Variants in PCDH15 observed in about 807,000 individuals in gnomAD.
PCDH15 encodes the protein protocadherin-15.
Under a neutral mutation model 178.5 loss-of-function variants are expected in PCDH15, and 129 were observed. The observed-to-expected ratio is 0.72, with a 90% CI of 0.63 to 0.84. PCDH15 has a LOEUF of 0.84. Among genes scored for constraint, PCDH15 ranks in the 40% least tolerant of loss-of-function variants. The probability of loss-of-function intolerance (pLI) is 0.00; values close to 1 mark genes in which losing one functional copy is unlikely to be tolerated. For missense variants in PCDH15, 2,230 were observed against 2,099.9 expected (o/e 1.06, Z -1.21); for synonymous variants, 800 against 732.0 (o/e 1.09, Z -1.50).
chr10:55,114,061 G>C (rs373462216), intron 2 of PCDH15, among the ~76,000 whole-genome samples: 43 of 152,164 alleles, frequency 2.8e-4, no homozygotes, highest in African/African-American at 1.0e-3. Flanking sequence ...CCATTCTCCT[G>C]CCTCAGCCTC....
At chr10:54,352,487 C>T (rs1349221983) in intron 5 of PCDH15, among the ~76,000 whole-genome samples, 1 of 151,894 alleles carries the variant, frequency 6.6e-6, no homozygotes, top group East Asian at 1.9e-4. Flanking sequence ...TTTCTCCTAC[C>T]CAGGAAAAAT....
At chr10:54,962,602 G>A (rs1477786202) in intron 2 of PCDH15, among the ~76,000 whole-genome samples, 4 of 152,166 alleles carry the variant, frequency 2.6e-5, no homozygotes, top group Admixed American at 2.6e-4. Context: ...GACAACAGTG[G>A]GAGCTACTTG....
intron 21 of PCDH15, among the ~76,000 whole-genome samples, chr10:53,993,720 G>T (rs903381170): frequency 5.3e-5 from 8 of 152,104 alleles, no homozygotes; most frequent in African/African-American, 1.4e-4. Context: ...CTTTTACTTA[G>T]GATTCGTGTA....
chr10:55,423,783 A>C (rs559607708), intron 2 of PCDH15, among the ~76,000 whole-genome samples: 35 of 152,132 alleles, frequency 2.3e-4, no homozygotes, highest in Non-Finnish European at 4.6e-4. Flanking sequence ...TAATTAAGCA[A>C]GATACTTATC....
chr10:54,634,706 G>C (rs996204836), intron 2 of PCDH15, among the ~76,000 whole-genome samples: 2 of 151,946 alleles, frequency 1.3e-5, no homozygotes, highest in African/African-American at 4.8e-5. Context: ...AAAGATGCTT[G>C]CGCGTATACA....
chr10:53,959,987 G>A (rs1213414029), intron 22 of PCDH15, 143 bp from the exon 23 acceptor site: 11 of 698,412 alleles, frequency 1.6e-5, no homozygotes, highest in Admixed American at 6.3e-5. Context: ...CCTACCAGGT[G>A]GCAGACACTA....
At chr10:54,465,329 C>T (rs1464454784) in intron 3 of PCDH15, among the ~76,000 whole-genome samples, 2 of 151,986 alleles carry the variant, frequency 1.3e-5, no homozygotes, top group East Asian at 3.9e-4. Context: ...AGTTTACTCT[C>T]AATCACTGGA....
intron 15 of PCDH15, among the ~76,000 whole-genome samples, chr10:54,094,513 G>A (rs1212725606): frequency 6.6e-6 from 1 of 152,120 alleles, no homozygotes; most frequent in African/African-American, 2.4e-5. Context: ...AAGGCCGTGA[G>A]GTGAAAACAG....
At chr10:53,892,765 A>T (rs548087206) in intron 26 of PCDH15, among the ~76,000 whole-genome samples, 1 of 152,314 alleles carries the variant, frequency 6.6e-6, no homozygotes, top group East Asian at 1.9e-4. Flanking sequence ...ATCAAGTTTC[A>T]GTTATATAGG....
intron 2 of PCDH15, among the ~76,000 whole-genome samples, chr10:54,980,565 C>T (rs1171056231): frequency 6.6e-6 from 1 of 152,068 alleles, no homozygotes; most frequent in African/African-American, 2.4e-5. Context: ...TAACTATACA[C>T]CCTAGATTTT....
chr10:54,495,924 T>C (rs1292905684), intron 3 of PCDH15, among the ~76,000 whole-genome samples: 2 of 152,148 alleles, frequency 1.3e-5, no homozygotes, highest in African/African-American at 4.8e-5. Flanking sequence ...CATTCCTCTA[T>C]TACTTTAAAA....
chr10:54,041,755 A>G (rs1277921983), intron 18 of PCDH15, among the ~76,000 whole-genome samples: 1 of 152,132 alleles, frequency 6.6e-6, no homozygotes, highest in Admixed American at 6.6e-5. Flanking sequence ...TTCAAAAAGG[A>G]AATGACATTC....
rs1193370256 is a variant in PCDH15 at position 53,940,980 on chromosome 10, A to C, written c.3123-5T>G. ...AGTTCACTTACTGGAGGAGGTCTGCAGGTTTAGAGAAGATGATGTATTTAT... is the reference window on the plus strand; with the variant it reads ...AGTTCACTTACTGGAGGAGGTCTGCCGGTTTAGAGAAGATGATGTATTTAT... On this transcript the variant is annotated splice_region_variant and splice_polypyrimidine_tract_variant and intron_variant, in intron 23 of 37. Coordinates refer to ENST00000644397, the MANE Select transcript of PCDH15 (RefSeq NM_001384140.1). 1.3e-6 allele frequency: 2 copies of C among 1,567,168 alleles called. No individual in the cohort carries two copies. The highest frequency in any genetic ancestry group is 3.3e-5 in the Admixed American group (2 of 59,912).
In PCDH15 at chr10:55,057,657, T is replaced by TCATCTCCTCTCCC. The variant is rs1382188032; in HGVS notation, c.-80+108918_-80+108919insGGGAGAGGAGATG. On this transcript the variant is annotated intron_variant, in intron 2 of 5. Coordinates refer to the PCDH15 transcript ENST00000458638. ...CCTATTCTGAACGCTAGAATCCCTT[T>TCATCTCCTCTCCC]CTTCTCCTCTCCCCTTTCTCCATGA... is the stretch of plus-strand genomic sequence containing the variant. 1.4e-4 allele frequency among the ~76,000 whole-genome samples: 21 copies of TCATCTCCTCTCCC among 152,226 alleles called. 1 individual carries two copies. In the East Asian group the frequency reaches 1.9e-3, roughly 14 times the overall value.
chr10:55,259,576 G>A (rs1455797378), intron 1 of PCDH15, among the ~76,000 whole-genome samples: 1 of 152,138 alleles, frequency 6.6e-6, no homozygotes, highest in Non-Finnish European at 1.5e-5. Flanking sequence ...GAGGAGACCT[G>A]AGGACATGCA....
At chr10:54,170,063 T>G (rs957554571) in intron 13 of PCDH15, among the ~76,000 whole-genome samples, 1 of 142,496 alleles carries the variant, frequency 7.0e-6, no homozygotes, top group Non-Finnish European at 1.5e-5. Flanking sequence ...TCGCTTTCAC[T>G]TGGACTGACC....
At chr10:54,841,159 T>C (rs1237612945) in intron 3 of PCDH15, among the ~76,000 whole-genome samples, 1 of 151,818 alleles carries the variant, frequency 6.6e-6, no homozygotes, top group Non-Finnish European at 1.5e-5. Flanking sequence ...GGGTATACCA[T>C]ATATTGGACC....
At chr10:54,315,743 A>G (rs1280332047) in intron 8 of PCDH15, among the ~76,000 whole-genome samples, 1 of 151,954 alleles carries the variant, frequency 6.6e-6, no homozygotes, top group Non-Finnish European at 1.5e-5. Context: ...TTCAATCTTC[A>G]TATGGCTAGC....
intron 23 of PCDH15, among the ~76,000 whole-genome samples, chr10:53,952,884 C>G (rs1241928540): frequency 6.6e-6 from 1 of 152,352 alleles, no homozygotes; most frequent in African/African-American, 2.4e-5. Context: ...TGACAATGCT[C>G]GGGGCTTGAT....
Sources: gnomAD v4.1 joint callset for allele counts (sites outside exome capture counted in the v4.1 genomes callset) on GRCh38, gnomAD v4.1.1 for gene constraint, MANE v1.5 for transcripts, NCBI Gene and HGNC (gene_info 2026-07-23, HGNC 2026-07-21) for gene names.